The following ADAMTSL1 variants were observed in gnomAD, a reference collection of about 807,000 sequenced individuals.
ADAMTSL1 encodes the protein ADAMTS like 1, also known as ADAMTS-like protein 1.
Under a neutral mutation model 201.8 loss-of-function variants are expected in ADAMTSL1, and 126 were observed. The ratio of observed to expected loss-of-function variants is 0.62; its 90% CI spans 0.54 to 0.72. The LOEUF is 0.72. Among genes scored for constraint, ADAMTSL1 ranks in the 30% least tolerant of loss-of-function variants. The probability of loss-of-function intolerance (pLI) is 0.00; values close to 1 mark genes in which losing one functional copy is unlikely to be tolerated. For missense variants in ADAMTSL1, 2,679 were observed against 2,277.8 expected, an observed-to-expected ratio of 1.18 and a Z score of -3.59; for synonymous variants, 1,121 against 903.4, an observed-to-expected ratio of 1.24 and a Z score of -4.32.
chr9:18,312,904 T>C (rs547792225), intron 2 of ADAMTSL1, among the ~76,000 whole-genome samples: 1 of 152,332 alleles, frequency 6.6e-6, no homozygotes, highest in South Asian at 2.1e-4. Flanking sequence ...CAGTAACGCA[T>C]GCACTTCTGT....
At chr9:18,214,064 TTTTACGTA>T (rs1048187835) in intron 2 of ADAMTSL1, among the ~76,000 whole-genome samples, 6 of 152,108 alleles carry the variant, frequency 3.9e-5, no homozygotes, top group Non-Finnish European at 5.9e-5. Context: ...AATTTTAAAA[TTTTACGTA>T]TTTAGTGTAT....
At chr9:18,786,065 C>T (rs1169236832) in intron 19 of ADAMTSL1, among the ~76,000 whole-genome samples, 1 of 152,200 alleles carries the variant, frequency 6.6e-6, no homozygotes, top group Non-Finnish European at 1.5e-5. Context: ...TTAAGTAAGA[C>T]TTTCTTTTCT....
At chr9:17,985,611 G>C (rs1588525067) in intron 1 of ADAMTSL1, among the ~76,000 whole-genome samples, 1 of 152,058 alleles carries the variant, frequency 6.6e-6, no homozygotes, top group Admixed American at 6.6e-5. Context: ...AGTTTAAGTG[G>C]ATGCAATTTA....
chr9:18,757,063 T>C (rs1819814575), intron 16 of ADAMTSL1, among the ~76,000 whole-genome samples: 1 of 152,164 alleles, frequency 6.6e-6, no homozygotes. Context: ...GAAACAGAAA[T>C]CTAATTCTAG....
intron 1 of ADAMTSL1, among the ~76,000 whole-genome samples, chr9:18,499,471 A>G (rs1286369416): frequency 6.6e-6 from 1 of 152,206 alleles, no homozygotes; most frequent in Non-Finnish European, 1.5e-5. Context: ...GGGCAGCTAA[A>G]AATGGAATCT....
In ADAMTSL1 at chr9:18,119,612, C is replaced by T. The variant is rs73422913; in HGVS notation, c.88-44250C>T. ...ATATTTTTAATATGAGGTTGCTTTC[C>T]TTCTTTAGTATGATGTACTACAGAG... is the stretch of plus-strand genomic sequence containing the variant. On this transcript the variant is annotated intron_variant, in intron 1 of 29. Coordinates refer to the ADAMTSL1 transcript ENST00000680146. 3.3e-3 allele frequency among the ~76,000 whole-genome samples: 507 copies of T among 152,170 alleles called. 4 individuals carry two copies. Among genetic ancestry groups the T allele is most frequent in the African/African-American group, 0.011 (469 of 41,526 alleles).
At chr9:18,163,354 G>A (rs935604740) in intron 1 of ADAMTSL1, among the ~76,000 whole-genome samples, 3 of 151,980 alleles carry the variant, frequency 2.0e-5, no homozygotes, top group African/African-American at 4.8e-5. Flanking sequence ...ACCTCCTTCC[G>A]GAGCAGCTAA....
intron 7 of ADAMTSL1, among the ~76,000 whole-genome samples, chr9:18,646,825 A>C (rs1827843825): frequency 6.6e-6 from 1 of 152,108 alleles, no homozygotes; most frequent in Non-Finnish European, 1.5e-5. Flanking sequence ...ATCAATGTTC[A>C]TCAAGGATAT....
At chr9:18,550,958 A>G (rs370505398) in intron 3 of ADAMTSL1, among the ~76,000 whole-genome samples, 1 of 151,984 alleles carries the variant, frequency 6.6e-6, no homozygotes, top group East Asian at 1.9e-4. Flanking sequence ...TTAGATGTAC[A>G]TTTTAAAATT....
At chr9:18,690,403 A>G (rs1831140340) in intron 13 of ADAMTSL1, among the ~76,000 whole-genome samples, 1 of 152,172 alleles carries the variant, frequency 6.6e-6, no homozygotes, top group Non-Finnish European at 1.5e-5. Flanking sequence ...CTCAAAATGT[A>G]GTGAACCAAA....
At chr9:18,880,557 G>A (rs1022300639) in intron 23 of ADAMTSL1, among the ~76,000 whole-genome samples, 1 of 152,190 alleles carries the variant, frequency 6.6e-6, no homozygotes. Context: ...TGAGCAGTAG[G>A]TAACAAAATA....
chr9:18,895,918 C>G (rs182739165), intron 26 of ADAMTSL1, among the ~76,000 whole-genome samples: 178 of 152,298 alleles, frequency 1.2e-3, no homozygotes, highest in African/African-American at 4.0e-3. Flanking sequence ...TTTAAAACAA[C>G]TATCTTAAAT....
chr9:18,584,543 G>A (rs929442044), intron 4 of ADAMTSL1, among the ~76,000 whole-genome samples: 2 of 152,146 alleles, frequency 1.3e-5, no homozygotes, highest in African/African-American at 4.8e-5. Context: ...CTGTATAACA[G>A]GACTCATCTT....
At chr9:18,819,953 TGCTATAAGCA>T (rs939434848) in intron 21 of ADAMTSL1, among the ~76,000 whole-genome samples, 1 of 152,238 alleles carries the variant, frequency 6.6e-6, no homozygotes, top group Non-Finnish European at 1.5e-5. Context: ...TTTACTTTGC[TGCTATAAGCA>T]GCTCTTAAGG....
intron 2 of ADAMTSL1, among the ~76,000 whole-genome samples, chr9:18,449,315 A>G (rs1820317418): frequency 6.6e-6 from 1 of 151,314 alleles, no homozygotes; most frequent in African/African-American, 2.4e-5. Flanking sequence ...TAAAAATCTA[A>G]ATAGCTTGAC....
chr9:18,400,068 G>A (rs530069542), intron 2 of ADAMTSL1, among the ~76,000 whole-genome samples: 36 of 120,086 alleles, frequency 3.0e-4, no homozygotes, highest in African/African-American at 8.7e-4. Flanking sequence ...AGCTACTGGC[G>A]CTCAAGATAA....
At chr9:17,940,269 T>C (rs1009177604) in intron 1 of ADAMTSL1, among the ~76,000 whole-genome samples, 2 of 152,082 alleles carry the variant, frequency 1.3e-5, no homozygotes, top group African/African-American at 4.8e-5. Flanking sequence ...AGGGTAGATT[T>C]GAGAAAAGAC....
intron 2 of ADAMTSL1, among the ~76,000 whole-genome samples, chr9:18,466,425 G>T (rs1563977326): frequency 6.6e-6 from 1 of 151,922 alleles, no homozygotes; most frequent in African/African-American, 2.4e-5. Context: ...CAAAAGAAAG[G>T]CTCACCATAA....
At chr9:18,264,418 C>G (rs1481122627) in intron 2 of ADAMTSL1, among the ~76,000 whole-genome samples, 1 of 152,096 alleles carries the variant, frequency 6.6e-6, no homozygotes, top group Non-Finnish European at 1.5e-5. Flanking sequence ...GTCTAAGCAA[C>G]TTGATACCAC....
Sources: gnomAD v4.1 joint callset for allele counts (sites outside exome capture counted in the v4.1 genomes callset) on GRCh38, gnomAD v4.1.1 for gene constraint, MANE v1.5 for transcripts, NCBI Gene and HGNC (gene_info 2026-07-23, HGNC 2026-07-21) for gene names.